CTNNA2: variants seen among roughly 807,000 people sequenced by gnomAD.
The protein encoded by CTNNA2 is catenin alpha 2, also known as catenin alpha-2.
In CTNNA2, 42 loss-of-function variants were observed where a neutral mutation model predicts 101.0. The ratio of observed to expected loss-of-function variants is 0.42; its 90% confidence interval spans 0.32 to 0.54. The LOEUF is 0.54. Ranked by LOEUF, CTNNA2 falls within the 20% of genes least tolerant of loss-of-function variation. The pLI is 0.14. For synonymous variants in CTNNA2, 450 were observed against 456.4 expected (o/e 0.99, Z 0.18); for missense variants, 871 against 1,223.1 (o/e 0.71, Z 4.29).
rs777707884 is a variant in CTNNA2 at position 80,239,926 on chromosome 2, AAAAAC to A, written c.1057-153266_1057-153262del. ...AGACTCCATCTCAAAAAAAAAAACA[AAAAAC>A]AAAACAAAACAAAACAAAGTCATAA... is the stretch of plus-strand genomic sequence containing the variant. On this transcript the variant is annotated intron_variant, in intron 7 of 18. Transcript: ENST00000402739. Among the ~76,000 whole-genome samples the A allele has an allele frequency of 3.6e-3, 541 of 152,214 alleles. 2 individuals are homozygous for A. The highest frequency in any genetic ancestry group is 5.8e-3 in the Non-Finnish European group (395 of 68,012).
At chr2:80,368,121 A>C (rs1675105214) in intron 7 of CTNNA2, among the ~76,000 whole-genome samples, 1 of 152,162 alleles carries the variant, frequency 6.6e-6, no homozygotes, top group South Asian at 2.1e-4. Flanking sequence ...CTCAGAGGCC[A>C]TATCAATGTC....
At chr2:80,618,618 T>C (rs1163671876) in intron 17 of CTNNA2, 1 of 152,056 alleles carries the variant, frequency 6.6e-6, no homozygotes, top group Non-Finnish European at 1.5e-5. Flanking sequence ...TGTACAGAGG[T>C]TGGATGTGCA....
At chr2:79,453,943 A>G (rs1010434284) in intron 4 of CTNNA2, among the ~76,000 whole-genome samples, 1 of 152,174 alleles carries the variant, frequency 6.6e-6, no homozygotes, top group Non-Finnish European at 1.5e-5. Context: ...GTACAAGATA[A>G]TAAAGACTTC....
intron 7 of CTNNA2, among the ~76,000 whole-genome samples, chr2:80,020,967 T>A (rs1428882861): frequency 6.6e-6 from 1 of 151,228 alleles, no homozygotes; most frequent in Non-Finnish European, 1.5e-5. Flanking sequence ...TTCTCTTTGG[T>A]TGAAATTTTT....
intron 4 of CTNNA2, among the ~76,000 whole-genome samples, chr2:79,411,656 G>A (rs1301287665): frequency 6.6e-6 from 1 of 152,046 alleles, no homozygotes; most frequent in Non-Finnish European, 1.5e-5. Flanking sequence ...AGCTTCATAA[G>A]TGAAGGAGAA....
rs112045877 is a variant in CTNNA2 at position 80,639,513 on chromosome 2, A to ATGTGTGTGTG, written c.2575-8054_2575-8045dup. On this transcript the variant is annotated intron_variant, in intron 18 of 18. Coordinates refer to ENST00000402739, the MANE Select transcript of CTNNA2 (RefSeq NM_001282597.3). ...GCATGAACCACCATGCCCAGCCTTG[A>ATGTGTGTGTG]TGTGTGTGTGTGTGTGTGTGTGTGT... is the stretch of plus-strand genomic sequence containing the variant. 3.7e-3 allele frequency among the ~76,000 whole-genome samples: 552 copies of ATGTGTGTGTG among 147,502 alleles called. 1 individual carries two copies. The highest frequency in any genetic ancestry group is 6.9e-3 in the Middle Eastern group (2 of 290).
intron 7 of CTNNA2, among the ~76,000 whole-genome samples, chr2:80,262,734 A>G (rs1356641581): frequency 1.3e-5 from 2 of 152,166 alleles, no homozygotes; most frequent in Admixed American, 1.3e-4. Flanking sequence ...GCCTTAATTA[A>G]CAACATAGAA....
chr2:80,098,168 G>A (rs933027425), intron 7 of CTNNA2, among the ~76,000 whole-genome samples: 29 of 152,066 alleles, frequency 1.9e-4, no homozygotes, highest in African/African-American at 7.0e-4. Flanking sequence ...TGATGGTGAC[G>A]TACAAATGGG....
intron 1 of CTNNA2, among the ~76,000 whole-genome samples, chr2:79,634,867 T>C (rs1679915617): frequency 6.6e-6 from 1 of 152,220 alleles, no homozygotes; most frequent in African/African-American, 2.4e-5. Flanking sequence ...AGACTTAAGA[T>C]GCACAATTGG....
chr2:79,203,632 C>G (rs1221430304), intron 2 of CTNNA2, among the ~76,000 whole-genome samples: 1 of 152,170 alleles, frequency 6.6e-6, no homozygotes, highest in South Asian at 2.1e-4. Context: ...GTTTTTAAAT[C>G]AAATGCAAAA....
chr2:79,879,898 G>A (rs1004715820), intron 6 of CTNNA2, among the ~76,000 whole-genome samples: 2 of 152,048 alleles, frequency 1.3e-5, no homozygotes, highest in Non-Finnish European at 2.9e-5. Flanking sequence ...TTATGTATTG[G>A]TTTCCAAAGG....
At chr2:79,387,149 G>T (rs1558655026) in intron 4 of CTNNA2, among the ~76,000 whole-genome samples, 1 of 152,118 alleles carries the variant, frequency 6.6e-6, no homozygotes, top group African/African-American at 2.4e-5. Flanking sequence ...ATGAAGAATT[G>T]GAGTTTTCTT....
Position 80,040,922 on chromosome 2 carries a change from A to G in CTNNA2, c.1056+131125A>G, listed in dbSNP as rs569319052. On this transcript the variant is annotated intron_variant, in intron 7 of 18. Coordinates refer to ENST00000402739, the MANE Select transcript of CTNNA2 (RefSeq NM_001282597.3). Reference sequence around the variant, plus strand: ...TACATTAACAAGTATGTTGATGATAATAAATAATTAGAAATTACTAATGGC... The same window carrying G: ...TACATTAACAAGTATGTTGATGATAGTAAATAATTAGAAATTACTAATGGC... Among the ~76,000 whole-genome samples the G allele has an allele frequency of 2.6e-5, 4 of 152,348 alleles. No homozygotes were observed. The South Asian group carries it at 6.2e-4, about 24-fold the overall frequency.
chr2:80,052,548 G>A (rs192511925), intron 7 of CTNNA2, among the ~76,000 whole-genome samples: 1 of 152,294 alleles, frequency 6.6e-6, no homozygotes, highest in Admixed American at 6.5e-5. Context: ...TGCAATGCAT[G>A]CATTTGAAAA....
At chr2:79,262,886 G>T (rs1015666315) in intron 2 of CTNNA2, among the ~76,000 whole-genome samples, 2 of 152,140 alleles carry the variant, frequency 1.3e-5, no homozygotes, top group African/African-American at 4.8e-5. Context: ...ATATTTATGG[G>T]TTAACTCTCA....
chr2:79,638,077 G>A (rs868082547), intron 1 of CTNNA2, among the ~76,000 whole-genome samples: 15 of 152,130 alleles, frequency 9.9e-5, no homozygotes, highest in African/African-American at 3.6e-4. Flanking sequence ...AGCATACCAG[G>A]ACTTGATGAT....
chr2:79,502,193 T>C (rs1408724648), intron 4 of CTNNA2, among the ~76,000 whole-genome samples: 1 of 152,198 alleles, frequency 6.6e-6, no homozygotes, highest in Non-Finnish European at 1.5e-5. Flanking sequence ...TTAGTTTTAC[T>C]CATTTTAGCT....
chr2:80,580,873 A>T (rs1695475837), intron 13 of CTNNA2, among the ~76,000 whole-genome samples: 1 of 151,976 alleles, frequency 6.6e-6, no homozygotes, highest in Non-Finnish European at 1.5e-5. Flanking sequence ...AAAATTAGCC[A>T]AGCATGATGG....
intron 7 of CTNNA2, among the ~76,000 whole-genome samples, chr2:79,943,781 T>TG (rs1688312249): frequency 2.0e-5 from 3 of 152,234 alleles, no homozygotes; most frequent in African/African-American, 4.8e-5. Context: ...TTTAAGCAAA[T>TG]GATAGCCTTT....
Sources: gnomAD v4.1 joint callset for allele counts (sites outside exome capture counted in the v4.1 genomes callset) on GRCh38, gnomAD v4.1.1 for gene constraint, MANE v1.5 for transcripts, NCBI Gene and HGNC (gene_info 2026-07-23, HGNC 2026-07-21) for gene names.